The following GRID1 variants were observed in gnomAD, a reference collection of about 807,000 sequenced individuals.
GRID1 encodes glutamate receptor ionotropic, delta-1.
A neutral mutation model predicts 98.0 loss-of-function variants in GRID1; 28 were observed. The ratio of observed to expected loss-of-function variants is 0.29; its 90% CI spans 0.21 to 0.39. The LOEUF is 0.39. Ranked by LOEUF, GRID1 falls within the 10% of genes least tolerant of loss-of-function variation. The pLI is 1.00. For synonymous variants in GRID1, 553 were observed against 538.5 expected, an observed-to-expected ratio of 1.03 and a Z score of -0.37; for missense variants, 1,111 against 1,340.5, an observed-to-expected ratio of 0.83 and a Z score of 2.67.
intron 12 of GRID1, among the ~76,000 whole-genome samples, chr10:85,670,816 T>C (rs1841077052): frequency 6.6e-6 from 1 of 152,180 alleles, no homozygotes; most frequent in African/African-American, 2.4e-5. Context: ...TTCATTTTCA[T>C]TGCTTATTGC....
At chr10:86,018,989 A>G (rs1051578154) in intron 4 of GRID1, among the ~76,000 whole-genome samples, 4 of 152,200 alleles carry the variant, frequency 2.6e-5, no homozygotes, top group African/African-American at 9.6e-5. Context: ...GCAGCTCCAA[A>G]TCAGAAGGCA....
intron 15 of GRID1, chr10:85,606,876 C>T (rs1411901544): frequency 2.0e-5 from 3 of 152,296 alleles, no homozygotes; most frequent in East Asian, 1.9e-4. Context: ...GAACTACATC[C>T]GTTTACATCC....
At chr10:86,326,129 G>T (rs965548521) in intron 2 of GRID1, among the ~76,000 whole-genome samples, 4 of 152,334 alleles carry the variant, frequency 2.6e-5, no homozygotes, top group East Asian at 3.9e-4. Flanking sequence ...AAGCTCATTT[G>T]TATTAGAAAT....
In GRID1 at chr10:85,601,354, C is replaced by T. The variant is rs1457769726; in HGVS notation, c.*919G>A. ...CTGGCCTTTTGTTCCACCACCTCACCTGGTCCATGCAACTAACCCCACCTC... is the reference window on the plus strand; with the variant it reads ...CTGGCCTTTTGTTCCACCACCTCACTTGGTCCATGCAACTAACCCCACCTC... On this transcript the variant is annotated 3_prime_UTR_variant, in exon 16 of 16. Coordinates refer to ENST00000327946, the MANE Select transcript of GRID1 (RefSeq NM_017551.3). The T allele has an allele frequency of 1.3e-5, 2 of 152,558 alleles. No individual in the cohort carries two copies. The highest frequency in any genetic ancestry group is 1.9e-4 in the East Asian group (1 of 5,168). 9.5% of individuals were successfully genotyped at this position (152,558 alleles called of 1,614,324 possible). A position where few individuals can be genotyped will look rare whatever the true frequency, so the allele number is the denominator to read the frequency against.
chr10:85,729,588 G>T lies in GRID1; in HGVS notation c.1260C>A (p.Gly420=), dbSNP rs753643136. ...GCCTCTCTTGCAAGCTGCCATTCAAGCCCTTCTCTGAGTCCCATGTCGCCA... is the reference window on the plus strand; with the variant it reads ...GCCTCTCTTGCAAGCTGCCATTCAATCCCTTCTCTGAGTCCCATGTCGCCA... ...RKLATWDSEK[G]LNGSLQERPM... The change falls in exon 9 of 16, where the codon GGC becomes GGA. Residue 420 remains glycine (G), a synonymous_variant. Coordinates refer to ENST00000327946, the MANE Select transcript of GRID1 (RefSeq NM_017551.3). The T allele has an allele frequency of 3.1e-6, 5 of 1,612,624 alleles. No homozygotes were observed. In the Admixed American group the frequency reaches 8.3e-5, roughly 27 times the overall value.
intron 2 of GRID1, among the ~76,000 whole-genome samples, chr10:86,228,644 C>T (rs1308996299): frequency 2.6e-5 from 4 of 152,068 alleles, no homozygotes; most frequent in Non-Finnish European, 5.9e-5. Context: ...GCAGAAAAAT[C>T]ACTCTCCTGG....
intron 8 of GRID1, among the ~76,000 whole-genome samples, chr10:85,847,408 T>G (rs761144147): frequency 6.6e-6 from 1 of 152,198 alleles, no homozygotes; most frequent in Non-Finnish European, 1.5e-5. Context: ...TAGTAAGTCT[T>G]CCTTATTGTT....
rs10596537 is a variant in GRID1, at chr10:86,101,633, C to CTT, written c.726+37184_726+37185dup. ...GTTCCTGGTTTGTTTTTCATTATTC[C>CTT]TTTTTTTTTTTTTTTTTGAGACAGA... On this transcript the variant is annotated intron_variant, in intron 4 of 15. Coordinates refer to ENST00000327946, the MANE Select transcript of GRID1 (RefSeq NM_017551.3). Among the ~76,000 whole-genome samples the CTT allele has an allele frequency of 9.4e-4, 128 of 136,642 alleles. 2 individuals carry two copies. The highest frequency in any genetic ancestry group is 2.9e-3 in the South Asian group (12 of 4,170). 89.6% of individuals were successfully genotyped at this position (136,642 alleles called of 152,430 possible).
chr10:86,066,892 G>A (rs180755653), intron 4 of GRID1, among the ~76,000 whole-genome samples: 2 of 152,244 alleles, frequency 1.3e-5, no homozygotes, highest in East Asian at 1.9e-4. Context: ...GGGCCGCGCC[G>A]GCACAAGCAT....
intron 8 of GRID1, among the ~76,000 whole-genome samples, chr10:85,777,179 G>T (rs768234497): frequency 6.6e-6 from 1 of 152,154 alleles, no homozygotes; most frequent in African/African-American, 2.4e-5. Flanking sequence ...GCCCTAATAA[G>T]TGGGCATCTA....
intron 8 of GRID1, among the ~76,000 whole-genome samples, chr10:85,781,024 G>T (rs1356014092): frequency 6.6e-6 from 1 of 152,176 alleles, no homozygotes; most frequent in African/African-American, 2.4e-5. Flanking sequence ...GCAGCCACTG[G>T]GCTCAGGAGC....
chr10:85,914,752 A>G (rs961089863), intron 5 of GRID1, among the ~76,000 whole-genome samples: 2 of 152,252 alleles, frequency 1.3e-5, no homozygotes, highest in African/African-American at 4.8e-5. Context: ...ACATCATAAA[A>G]GAATGAATTA....
At chr10:86,189,679 G>A (rs1331639045) in intron 3 of GRID1, among the ~76,000 whole-genome samples, 1 of 152,096 alleles carries the variant, frequency 6.6e-6, no homozygotes. Context: ...ACTGTCAGGG[G>A]CTGTCTTAAG....
intron 4 of GRID1, among the ~76,000 whole-genome samples, chr10:86,027,257 T>C (rs962554203): frequency 3.3e-5 from 5 of 152,214 alleles, no homozygotes; most frequent in African/African-American, 1.2e-4. Flanking sequence ...TCTCCATTTT[T>C]CTTTCTCCGC....
Position 85,916,326 on chromosome 10 carries a change from C to T in GRID1, c.727-87G>A. On this transcript the variant is annotated intron_variant, in intron 4 of 15. Coordinates refer to ENST00000327946, the MANE Select transcript of GRID1 (RefSeq NM_017551.3). This position sits in a 1 kb window ranked among gnomAD's most constrained non-coding sequence, Gnocchi z 4.0. ...GATTGCCGAGACAGAGTTTTATAAA[C>T]ATTGTTCTTGGAGAATATTTTCCTC... 1 of 1,024,600 alleles carries T rather than the reference C, an allele frequency of 9.8e-7. No homozygotes were observed. Among genetic ancestry groups the T allele is most frequent in the South Asian group, 1.3e-5 (1 of 77,066 alleles). 63.5% of individuals were successfully genotyped at this position (1,024,600 alleles called of 1,614,324 possible).
intron 4 of GRID1, among the ~76,000 whole-genome samples, chr10:85,997,753 C>T (rs766445333): frequency 6.6e-6 from 1 of 152,002 alleles, no homozygotes; most frequent in African/African-American, 2.4e-5. Flanking sequence ...ATGGTCTAAA[C>T]ATATCGATCA....
intron 12 of GRID1, among the ~76,000 whole-genome samples, chr10:85,712,183 A>G (rs979295515): frequency 1.3e-5 from 2 of 151,806 alleles, no homozygotes; most frequent in Non-Finnish European, 3.0e-5. Context: ...ATTAAATATA[A>G]GTGGATTAAA....
At chr10:85,847,782 A>C (rs866554768) in intron 8 of GRID1, among the ~76,000 whole-genome samples, 1 of 152,216 alleles carries the variant, frequency 6.6e-6, no homozygotes, top group Non-Finnish European at 1.5e-5. Flanking sequence ...TACTTTGTGA[A>C]TTGGGTATAA....
At chr10:86,353,235 G>A (rs1395180144) in intron 2 of GRID1, among the ~76,000 whole-genome samples, 1 of 152,220 alleles carries the variant, frequency 6.6e-6, no homozygotes, top group African/African-American at 2.4e-5. Flanking sequence ...GACCAGGCCA[G>A]TCTCCTGTGG....
Sources: allele counts gnomAD v4.1 joint callset (sites outside exome capture counted in the v4.1 genomes callset), GRCh38; gene constraint gnomAD v4.1.1; non-coding constraint Gnocchi (gnomAD v3.1); transcripts MANE v1.5; gene names NCBI Gene and HGNC (gene_info 2026-07-23, HGNC 2026-07-21).